The following SUCLG2 variants were observed in gnomAD, a reference collection of about 807,000 sequenced individuals.
The protein encoded by SUCLG2 is succinate--CoA ligase [GDP-forming] subunit beta, mitochondrial.
In SUCLG2, 42 loss-of-function variants were observed where a neutral mutation model predicts 47.9. That is an observed-to-expected ratio of 0.88 (90% CI 0.69 to 1.14). The LOEUF (loss-of-function observed/expected upper bound fraction) is 1.14. Among genes scored for constraint, SUCLG2 ranks in the 50% most tolerant of loss-of-function variants. SUCLG2 has a pLI of 0.00. For synonymous variants in SUCLG2, 195 were observed against 197.3 expected (o/e 0.99, Z 0.10); for missense variants, 571 against 525.9 (o/e 1.09, Z -0.84).
In SUCLG2 at chr3:67,375,641, C is replaced by G; in HGVS notation, c.*103G>C. 6.9e-7 allele frequency: 1 copy of G among 1,458,654 alleles called. No individual in the cohort carries two copies. The highest frequency in any genetic ancestry group is 2.5e-5 in the East Asian group (1 of 39,690). 90.4% of individuals were successfully genotyped at this position (1,458,654 alleles called of 1,614,324 possible). ...TTTCAGTGATTCTTGCCTTCCCCCT[C>G]CCCTTTTCTTCCCCAATGAGATAAC... On this transcript the variant is annotated 3_prime_UTR_variant, in exon 11 of 11. Coordinates refer to ENST00000307227, the MANE Select transcript of SUCLG2 (RefSeq NM_003848.4).
intron 9 of SUCLG2, among the ~76,000 whole-genome samples, chr3:67,490,723 G>A (rs1705181761): frequency 6.6e-6 from 1 of 152,168 alleles, no homozygotes; most frequent in Non-Finnish European, 1.5e-5. Context: ...CTTTAGAAAG[G>A]TTTGCAAGTT....
At chr3:67,607,644 A>G (rs962916507) in intron 2 of SUCLG2, among the ~76,000 whole-genome samples, 4 of 152,116 alleles carry the variant, frequency 2.6e-5, no homozygotes, top group African/African-American at 4.8e-5. Flanking sequence ...CCACACAACA[A>G]TCGCCCTTTG....
chr3:67,624,934 A>C (rs1423816964), intron 1 of SUCLG2, among the ~76,000 whole-genome samples: 2 of 152,246 alleles, frequency 1.3e-5, no homozygotes, highest in South Asian at 4.1e-4. Flanking sequence ...AAAAGTACAC[A>C]CAAAAAGACT....
intron 2 of SUCLG2, among the ~76,000 whole-genome samples, chr3:67,563,959 C>CAAAAAAAAAA (rs756674869): frequency 1.3e-5 from 1 of 78,178 alleles, no homozygotes; most frequent in Non-Finnish European, 2.9e-5. Context: ...GACTCTGTCT[C>CAAAAAAAAAA]AAAAAAAAAA....
chr3:67,423,179 G>A (rs921108631), intron 9 of SUCLG2, among the ~76,000 whole-genome samples: 3 of 152,078 alleles, frequency 2.0e-5, no homozygotes, highest in Admixed American at 1.3e-4. Context: ...CATGCTGTTC[G>A]TGTGACACTG....
chr3:67,465,580 G>C (rs1559536561), intron 9 of SUCLG2, among the ~76,000 whole-genome samples: 1 of 152,146 alleles, frequency 6.6e-6, no homozygotes, highest in Non-Finnish European at 1.5e-5. Context: ...TGGCTGCACT[G>C]GGGGCAAGGC....
In SUCLG2 at chr3:67,636,414, A is replaced by G. The variant is rs1332333862; in HGVS notation, c.84+18089T>C. 2.7e-5 allele frequency among the ~76,000 whole-genome samples: 4 copies of G among 149,654 alleles called. No homozygotes were observed. In the Admixed American group the frequency reaches 2.7e-4, roughly 10 times the overall value. ...GTCACCCAGACTGGAGTGCAGTGGC[A>G]GGATCTCGGCTCACTGCAAGCTCTG... On this transcript the variant is annotated intron_variant, in intron 1 of 10. Transcript: ENST00000307227.
chr3:67,501,993 T>C (rs1256079978), intron 7 of SUCLG2, among the ~76,000 whole-genome samples: 2 of 152,190 alleles, frequency 1.3e-5, no homozygotes, highest in South Asian at 2.1e-4. Flanking sequence ...TTCTAGTAAA[T>C]GATGGGGCAC....
At chr3:67,591,055 T>C (rs937686716) in intron 2 of SUCLG2, among the ~76,000 whole-genome samples, 1 of 152,226 alleles carries the variant, frequency 6.6e-6, no homozygotes, top group African/African-American at 2.4e-5. Flanking sequence ...CCAGGAAAAG[T>C]ACATAATATA....
intron 2 of SUCLG2, among the ~76,000 whole-genome samples, chr3:67,561,471 G>A (rs1188942899): frequency 6.6e-6 from 1 of 152,062 alleles, no homozygotes; most frequent in Non-Finnish European, 1.5e-5. Context: ...CTCTTGTGTG[G>A]CAAAATAATA....
chr3:67,397,808 G>C (rs1437239654), intron 10 of SUCLG2, among the ~76,000 whole-genome samples: 6 of 152,130 alleles, frequency 3.9e-5, no homozygotes, highest in Non-Finnish European at 8.8e-5. Context: ...CATGGTACTG[G>C]TACCAAAACA....
intron 2 of SUCLG2, among the ~76,000 whole-genome samples, chr3:67,592,541 A>G (rs948678760): frequency 2.0e-5 from 3 of 152,126 alleles, no homozygotes; most frequent in Admixed American, 1.3e-4. Context: ...TCAAGATTAC[A>G]AAAGTATTCA....
intron 1 of SUCLG2, among the ~76,000 whole-genome samples, chr3:67,651,404 A>G (rs1355407034): frequency 6.6e-6 from 1 of 150,930 alleles, no homozygotes; most frequent in South Asian, 2.1e-4. Flanking sequence ...TGCCTAACAC[A>G]CTCTTCCCCT....
intron 2 of SUCLG2, among the ~76,000 whole-genome samples, chr3:67,531,393 G>C (rs1706400562): frequency 6.6e-6 from 1 of 152,172 alleles, no homozygotes; most frequent in Admixed American, 6.5e-5. Flanking sequence ...AGCAAAACTT[G>C]AAAGCCAGAG....
intron 10 of SUCLG2, among the ~76,000 whole-genome samples, chr3:67,387,186 G>C (rs1702277706): frequency 6.6e-6 from 1 of 152,292 alleles, no homozygotes; most frequent in South Asian, 2.1e-4. Flanking sequence ...TCTTAGAAGT[G>C]TAAATGCAGC....
intron 10 of SUCLG2, among the ~76,000 whole-genome samples, chr3:67,393,318 G>T (rs146489412): frequency 0.072 from 10,840 of 150,736 alleles, 327 homozygotes; most frequent in Middle Eastern, 0.14. Context: ...ACTCCCACCC[G>T]AATACTGCGC....
intron 2 of SUCLG2, among the ~76,000 whole-genome samples, chr3:67,609,251 C>T (rs1438216417): frequency 2.7e-5 from 3 of 113,014 alleles, no homozygotes; most frequent in Admixed American, 2.3e-4. Context: ...TCCCTTCACG[C>T]TGCAGTCACC....
intron 9 of SUCLG2, among the ~76,000 whole-genome samples, chr3:67,441,773 G>A (rs956426353): frequency 6.6e-6 from 1 of 152,174 alleles, no homozygotes. Flanking sequence ...AAGAAGGAGA[G>A]GGCATGAAAG....
intron 7 of SUCLG2, among the ~76,000 whole-genome samples, chr3:67,503,434 C>T (rs1205322059): frequency 2.0e-5 from 3 of 152,222 alleles, no homozygotes; most frequent in South Asian, 4.1e-4. Flanking sequence ...CTGTAAGACG[C>T]TTCTAAATGC....
Sources: allele counts gnomAD v4.1 joint callset (sites outside exome capture counted in the v4.1 genomes callset), GRCh38; gene constraint gnomAD v4.1.1; transcripts MANE v1.5; gene names NCBI Gene and HGNC (gene_info 2026-07-23, HGNC 2026-07-21).